Variants in PTPRD observed in about 807,000 individuals in gnomAD.
The protein encoded by PTPRD is receptor-type tyrosine-protein phosphatase delta.
Under a neutral mutation model 214.5 loss-of-function variants are expected in PTPRD, and 34 were observed. The ratio of observed to expected loss-of-function variants is 0.16; its 90% CI spans 0.12 to 0.21. The LOEUF (loss-of-function observed/expected upper bound fraction) is 0.21, where lower values mean the gene tolerates loss of function less well. Among genes scored for constraint, PTPRD ranks in the 10% least tolerant of loss-of-function variants. The pLI, the probability that PTPRD is intolerant of heterozygous loss-of-function variation, is 1.00. For synonymous variants in PTPRD, 1,128 were observed against 845.7 expected, an observed-to-expected ratio of 1.33 and a Z score of -5.79; for missense variants, 2,545 against 2,398.7, an observed-to-expected ratio of 1.06 and a Z score of -1.27.
At chr9:8,763,978 G>A (rs568039115) in intron 11 of PTPRD, among the ~76,000 whole-genome samples, 1 of 152,136 alleles carries the variant, frequency 6.6e-6, no homozygotes, top group African/African-American at 2.4e-5. Context: ...TTAAATATCA[G>A]TTTCAAGAGT....
At chr9:10,280,360 C>CCACACA (rs61249776) in intron 3 of PTPRD, among the ~76,000 whole-genome samples, 2,132 of 144,788 alleles carry the variant, frequency 0.015, 36 homozygotes, top group African/African-American at 0.045. Flanking sequence ...TACATAAACA[C>CCACACA]CACACACACA....
At chr9:8,326,126 G>A (rs1485830079) in intron 44 of PTPRD, among the ~76,000 whole-genome samples, 1 of 152,222 alleles carries the variant, frequency 6.6e-6, no homozygotes, top group Non-Finnish European at 1.5e-5. Context: ...AGCAGTGAGA[G>A]AGGGCATCCC....
At chr9:8,386,532 C>T (rs1389837054) in intron 37 of PTPRD, among the ~76,000 whole-genome samples, 10 of 152,126 alleles carry the variant, frequency 6.6e-5, no homozygotes, top group Non-Finnish European at 1.2e-4. Context: ...AATTTGTTTA[C>T]GTTACCTGGA....
intron 8 of PTPRD, among the ~76,000 whole-genome samples, chr9:9,474,288 T>C (rs1052083166): frequency 1.3e-5 from 2 of 152,126 alleles, no homozygotes; most frequent in Admixed American, 1.3e-4. Context: ...ATTTCTGATT[T>C]CTGTATTCTT....
intron 12 of PTPRD, among the ~76,000 whole-genome samples, chr9:8,728,750 C>T (rs934701094): frequency 9.2e-5 from 14 of 152,066 alleles, no homozygotes; most frequent in Admixed American, 2.0e-4. Context: ...GAGGCTGAGG[C>T]AAGTGGATGA....
At chr9:10,316,731 G>C in intron 3 of PTPRD, among the ~76,000 whole-genome samples, 1 of 151,938 alleles carries the variant, frequency 6.6e-6, no homozygotes, top group South Asian at 2.1e-4. Context: ...ACTGCTATCA[G>C]ATATTAGTAA....
chr9:9,476,334 T>C (rs144226862), intron 8 of PTPRD, among the ~76,000 whole-genome samples: 1,537 of 152,320 alleles, frequency 0.01, 24 homozygotes, highest in African/African-American at 0.034. Context: ...GTGAATTACA[T>C]GGTGTGAACA....
At chr9:8,741,045 T>C (rs940274436) in intron 11 of PTPRD, among the ~76,000 whole-genome samples, 1 of 152,210 alleles carries the variant, frequency 6.6e-6, no homozygotes, top group Non-Finnish European at 1.5e-5. Flanking sequence ...CTTTCCAAAT[T>C]ATTATTGATG....
chr9:8,484,496 T>C, intron 29 of PTPRD, 118 bp from the exon 30 acceptor site: 1 of 1,073,150 alleles, frequency 9.3e-7, no homozygotes. Context: ...TAATTTTAGG[T>C]GATTTCTAAG....
At chr9:9,975,405 C>G (rs1157681618) in intron 4 of PTPRD, among the ~76,000 whole-genome samples, 2 of 152,202 alleles carry the variant, frequency 1.3e-5, no homozygotes, top group Non-Finnish European at 2.9e-5. Flanking sequence ...CTTTTAACCT[C>G]TCTTCAAATT....
chr9:10,563,689 A>T (rs1383354975), intron 2 of PTPRD, among the ~76,000 whole-genome samples: 1 of 151,590 alleles, frequency 6.6e-6, no homozygotes, highest in Non-Finnish European at 1.5e-5. Context: ...TTATCTTTTA[A>T]ATTTTGGAGG....
chr9:9,432,168 G>A (rs1358063479), intron 8 of PTPRD, among the ~76,000 whole-genome samples: 1 of 151,342 alleles, frequency 6.6e-6, no homozygotes, highest in African/African-American at 2.4e-5. Context: ...ATGAAGCAGT[G>A]TTTATAGAAT....
chr9:10,357,500 A>G (rs2097300540), intron 2 of PTPRD, among the ~76,000 whole-genome samples: 1 of 152,338 alleles, frequency 6.6e-6, no homozygotes, highest in South Asian at 2.1e-4. Flanking sequence ...TAGCATTTAC[A>G]TGGTGGAGTT....
intron 11 of PTPRD, among the ~76,000 whole-genome samples, chr9:8,762,210 A>C (rs1249426515): frequency 6.6e-6 from 1 of 152,176 alleles, no homozygotes; most frequent in African/African-American, 2.4e-5. Flanking sequence ...ATTCAATAGA[A>C]CTGTATCATA....
At chr9:10,444,382 T>C (rs542816693) in intron 2 of PTPRD, among the ~76,000 whole-genome samples, 2 of 151,930 alleles carry the variant, frequency 1.3e-5, no homozygotes, top group African/African-American at 4.8e-5. Context: ...GGTAAGTAGA[T>C]AAAAACACCT....
At chr9:10,308,817 T>C (rs1189725178) in intron 3 of PTPRD, among the ~76,000 whole-genome samples, 1 of 152,120 alleles carries the variant, frequency 6.6e-6, no homozygotes, top group Non-Finnish European at 1.5e-5. Flanking sequence ...AGCTGCATTA[T>C]ATTTCACTGC....
chr9:9,884,647 T>C (rs988218458), intron 5 of PTPRD, among the ~76,000 whole-genome samples: 16 of 152,128 alleles, frequency 1.1e-4, no homozygotes, highest in Non-Finnish European at 2.4e-4. Context: ...CATTTTGAGT[T>C]ATAGTTTCCA....
chr9:10,370,878 T>C (rs2154477450), intron 2 of PTPRD, among the ~76,000 whole-genome samples: 1 of 152,102 alleles, frequency 6.6e-6, no homozygotes, highest in East Asian at 1.9e-4. Context: ...TGATCAATAA[T>C]CCTCACCCCT....
At chr9:9,722,137 G>GT (rs2097962379) in intron 7 of PTPRD, among the ~76,000 whole-genome samples, 2 of 151,790 alleles carry the variant, frequency 1.3e-5, no homozygotes, top group African/African-American at 4.8e-5. Context: ...CAATTCAGCA[G>GT]TTTTTTTGTT....
Sources: gnomAD v4.1 joint callset for allele counts (sites outside exome capture counted in the v4.1 genomes callset) on GRCh38, gnomAD v4.1.1 for gene constraint, MANE v1.5 for transcripts, NCBI Gene and HGNC (gene_info 2026-07-23, HGNC 2026-07-21) for gene names.